HSDL2: variants seen among roughly 807,000 people sequenced by gnomAD.
HSDL2 encodes hydroxysteroid dehydrogenase-like protein 2.
In HSDL2, 27 loss-of-function variants were observed where a neutral mutation model predicts 46.3. The observed-to-expected ratio is 0.58, with a 90% confidence interval of 0.43 to 0.80. The LOEUF (loss-of-function observed/expected upper bound fraction) is 0.80, where lower values mean the gene tolerates loss of function less well. HSDL2 is among the 30% of genes least tolerant of loss of function. HSDL2 has a pLI of 0.00. For synonymous variants in HSDL2, 153 were observed against 163.6 expected, an observed-to-expected ratio of 0.94 and a Z score of 0.50; for missense variants, 451 against 502.7, an observed-to-expected ratio of 0.90 and a Z score of 0.98.
At chr9:112,458,710 G>A (rs1456137229) in intron 9 of HSDL2, among the ~76,000 whole-genome samples, 4 of 151,896 alleles carry the variant, frequency 2.6e-5, no homozygotes, top group Admixed American at 1.3e-4. Context: ...TGCCGGGCAC[G>A]GTATCTCATG....
At chr9:112,448,584 C>T (rs11795342) in intron 8 of HSDL2, among the ~76,000 whole-genome samples, 145,310 of 152,064 alleles carry the variant, frequency 0.96, 69,494 homozygotes, top group African/African-American at 0.98. Flanking sequence ...AGTCTTGCTC[C>T]GTTGCCCAGG....
At chr9:112,433,095 T>C (rs1382146536) in intron 6 of HSDL2, among the ~76,000 whole-genome samples, 4 of 152,018 alleles carry the variant, frequency 2.6e-5, no homozygotes, top group Non-Finnish European at 4.4e-5. Flanking sequence ...TTTTGAGACA[T>C]AGTAGCTCAG....
chr9:112,462,474 A>AAT (rs1833239908), intron 10 of HSDL2, among the ~76,000 whole-genome samples: 1 of 151,720 alleles, frequency 6.6e-6, no homozygotes, highest in African/African-American at 2.4e-5. Flanking sequence ...AAAAAAAAAA[A>AAT]AATTAAAGCA....
chr9:112,412,568 A>T (rs1017767939), intron 4 of HSDL2, among the ~76,000 whole-genome samples: 2 of 152,254 alleles, frequency 1.3e-5, no homozygotes, highest in African/African-American at 4.8e-5. Flanking sequence ...ATACAAGTAA[A>T]GCATTGAATT....
intron 6 of HSDL2, among the ~76,000 whole-genome samples, chr9:112,435,837 A>G (rs890559655): frequency 3.2e-4 from 49 of 152,104 alleles, no homozygotes; most frequent in African/African-American, 1.1e-3. Flanking sequence ...GGCTCAAGCA[A>G]TCTTCCTGCC....
intron 10 of HSDL2, among the ~76,000 whole-genome samples, chr9:112,468,494 T>G (rs1833461137): frequency 6.6e-6 from 1 of 152,208 alleles, no homozygotes; most frequent in Non-Finnish European, 1.5e-5. Context: ...AGAGCTCATC[T>G]TGTTTTCTGA....
chr9:112,435,131 G>A (rs1832495052), intron 6 of HSDL2, among the ~76,000 whole-genome samples: 1 of 151,974 alleles, frequency 6.6e-6, no homozygotes, highest in Non-Finnish European at 1.5e-5. Context: ...CCCACTCCTT[G>A]AGTTTTGAGT....
chr9:112,429,315 G>A (rs371798466), intron 6 of HSDL2, among the ~76,000 whole-genome samples: 8 of 152,218 alleles, frequency 5.3e-5, no homozygotes, highest in Admixed American at 2.0e-4. Flanking sequence ...CTATCTACTC[G>A]GTGCAAGGCA....
In HSDL2 at chr9:112,408,872, T is replaced by C. The variant is rs754957630; in HGVS notation, c.281-35T>C. 4 of 1,179,706 alleles carry C rather than the reference T, an allele frequency of 3.4e-6. No homozygotes were observed. In the East Asian group the frequency reaches 9.5e-5, roughly 28 times the overall value. The allele number at this position is 1,179,706 out of a possible 1,614,324, so 73.1% of individuals were successfully genotyped here. ...CTTTTTTTGTGTGTGATAAAAAGTCTTTCATTAAAATGAAATTGATTATTT... is the reference window on the plus strand; with the variant it reads ...CTTTTTTTGTGTGTGATAAAAAGTCCTTCATTAAAATGAAATTGATTATTT... On this transcript the variant is annotated intron_variant, in intron 3 of 10. Transcript: ENST00000398805.
At position 112,471,980 on chromosome 9, in the gene HSDL2, T is replaced by C. The variant is rs1158927503; in HGVS notation, c.*1436T>C. Reference sequence around the variant, plus strand: ...CAGAGGATCAGAGATGGGAAAGGACTAGCCCAAGGCCAACATTAACAAGCC... The same window carrying C: ...CAGAGGATCAGAGATGGGAAAGGACCAGCCCAAGGCCAACATTAACAAGCC... On this transcript the variant is annotated 3_prime_UTR_variant, in exon 11 of 11. Coordinates refer to ENST00000398805, the MANE Select transcript of HSDL2 (RefSeq NM_032303.5). The C allele has an allele frequency of 6.6e-6, 1 of 152,244 alleles. No individual in the cohort carries two copies. Among genetic ancestry groups the C allele is most frequent in the Non-Finnish European group, 1.5e-5 (1 of 68,046 alleles). The allele number at this position is 152,244 out of a possible 1,614,324, so 9.4% of individuals were successfully genotyped here. A position where few individuals can be genotyped will look rare whatever the true frequency, so the allele number is the denominator to read the frequency against.
At chr9:112,445,835 T>TG (rs1245880652) in intron 8 of HSDL2, among the ~76,000 whole-genome samples, 5 of 151,884 alleles carry the variant, frequency 3.3e-5, no homozygotes, top group Non-Finnish European at 7.4e-5. Context: ...AAGCTTTATT[T>TG]TTTTTTATAG....
rs180960554 is a variant in HSDL2, at chr9:112,438,067, C to T, written c.599-364C>T. Among the ~76,000 whole-genome samples, 462 of 152,108 alleles carry T rather than the reference C, an allele frequency of 3.0e-3. 3 individuals are homozygous for T. Among genetic ancestry groups the T allele is most frequent in the Admixed American group, 6.7e-3 (103 of 15,268 alleles). On this transcript the variant is annotated intron_variant, in intron 6 of 10. Coordinates refer to ENST00000398805, the MANE Select transcript of HSDL2 (RefSeq NM_032303.5). The stretch of plus-strand genomic sequence containing the variant: ...TCGAGACCAGCCAACATGGTGAAAC[C>T]CCGTTTCTATTAAAAATACAAAAAA...
At chr9:112,470,385 T>G (rs764506402) in intron 10 of HSDL2, 47 bp from the exon 11 acceptor site, 9 of 1,134,166 alleles carry the variant, frequency 7.9e-6, no homozygotes, top group African/African-American at 3.1e-5. Context: ...AATATATCCC[T>G]AAGGGCACTA....
At chr9:112,394,165 A>T (rs1831408296) in intron 1 of HSDL2, among the ~76,000 whole-genome samples, 1 of 152,186 alleles carries the variant, frequency 6.6e-6, no homozygotes, top group Non-Finnish European at 1.5e-5. Context: ...AGAATCACAG[A>T]TGTGAGGGGT....
chr9:112,397,340 T>C (rs562636724), intron 1 of HSDL2, among the ~76,000 whole-genome samples: 1 of 152,328 alleles, frequency 6.6e-6, no homozygotes, highest in East Asian at 1.9e-4. Context: ...ATGGCATGCA[T>C]GGCCATTTTA....
At chr9:112,387,300 A>C (rs910134216) in intron 1 of HSDL2, among the ~76,000 whole-genome samples, 4 of 151,434 alleles carry the variant, frequency 2.6e-5, no homozygotes, top group Non-Finnish European at 5.9e-5. Context: ...GCTCACTGCA[A>C]CCTCCGTGTC....
intron 6 of HSDL2, among the ~76,000 whole-genome samples, chr9:112,432,852 G>A (rs1393125962): frequency 1.3e-5 from 2 of 152,064 alleles, no homozygotes; most frequent in African/African-American, 4.8e-5. Context: ...ACTGAAACCT[G>A]TGCCTCCTGA....
Position 112,380,121 on chromosome 9 carries a change from CCGCCGCCGCTGT to C in HSDL2, c.-35_-24del, listed in dbSNP as rs1251176670. The C allele has an allele frequency of 2.0e-6, 3 of 1,523,160 alleles. No individual in the cohort carries two copies. Among genetic ancestry groups the C allele is most frequent in the Non-Finnish European group, 2.7e-6 (3 of 1,120,606 alleles). The allele number at this position is 1,523,160 out of a possible 1,614,324, so 94.4% of individuals were successfully genotyped here. A position where few individuals can be genotyped will look rare whatever the true frequency, so the allele number is the denominator to read the frequency against. Reference sequence around the variant, plus strand: ...CGGTCCAGCTTTAGCTCTCTGCTCGCCGCCGCCGCTGTCGCCGCCACCTCCTCTGATCTACGA... The same window carrying C: ...CGGTCCAGCTTTAGCTCTCTGCTCGCCGCCGCCACCTCCTCTGATCTACGA... On this transcript the variant is annotated 5_prime_UTR_variant, in exon 1 of 11. Coordinates refer to ENST00000398805, the MANE Select transcript of HSDL2 (RefSeq NM_032303.5).
rs147299368 is a variant in HSDL2 at position 112,470,931 on chromosome 9, T to C, written c.*387T>C. The C allele has an allele frequency of 6.5e-6, 1 of 153,846 alleles. No homozygotes were observed. The highest frequency in any genetic ancestry group is 1.4e-5 in the Non-Finnish European group (1 of 69,192). The allele number at this position is 153,846 out of a possible 1,614,324, so 9.5% of individuals were successfully genotyped here. A position where few individuals can be genotyped will look rare whatever the true frequency, so the allele number is the denominator to read the frequency against. ...CTGTTTTAAAATTTTTAGTTTTGGA[T>C]TGTATACTAATGAAAATCTTAATGA... On this transcript the variant is annotated 3_prime_UTR_variant, in exon 11 of 11. Coordinates refer to ENST00000398805, the MANE Select transcript of HSDL2 (RefSeq NM_032303.5).
Sources: allele counts gnomAD v4.1 joint callset (sites outside exome capture counted in the v4.1 genomes callset), GRCh38; gene constraint gnomAD v4.1.1; transcripts MANE v1.5; gene names NCBI Gene and HGNC (gene_info 2026-07-23, HGNC 2026-07-21).